The following PCDHGA9 variants were observed in gnomAD, a reference collection of about 807,000 sequenced individuals.
PCDHGA9 encodes protocadherin gamma-A9.
In PCDHGA9, 37 loss-of-function variants were observed where a neutral mutation model predicts 62.5. The ratio of observed to expected loss-of-function variants is 0.59; its 90% CI spans 0.46 to 0.78. The LOEUF is 0.78. Among genes scored for constraint, PCDHGA9 ranks in the 30% least tolerant of loss-of-function variants. PCDHGA9 has a pLI of 0.00. For missense variants in PCDHGA9, 1,138 were observed against 1,166.2 expected (o/e 0.98, Z 0.35); for synonymous variants, 459 against 484.6 (o/e 0.95, Z 0.69).
chr5:141,482,144 G>A (rs564178008), intron 1 of PCDHGA9, among the ~76,000 whole-genome samples: 2 of 151,756 alleles, frequency 1.3e-5, no homozygotes, highest in African/African-American at 2.4e-5. Flanking sequence ...GGCATAAAAA[G>A]GTCAAGTCAA....
intron 1 of PCDHGA9, chr5:141,416,068 A>G (rs940843403): frequency 1.2e-5 from 2 of 173,694 alleles, no homozygotes; most frequent in Non-Finnish European, 2.4e-5. Context: ...AGAATACTCA[A>G]TGCAGTTCTT....
chr5:141,408,855 G>T, intron 1 of PCDHGA9: 1 of 1,613,572 alleles, frequency 6.2e-7, no homozygotes, highest in Non-Finnish European at 8.5e-7. Context: ...TTGGACGGAG[G>T]GGACCCACCA....
Position 141,485,187 on chromosome 5 carries a change from T to A in PCDHGA9, c.2425-9620T>A, listed in dbSNP as rs1325714839. ...CGGGCGGCAGCAATGCTCCGCAAGG[T>A]GAGAAGCTGGACAGAAATCTGGCGG... On this transcript the variant is annotated intron_variant, in intron 1 of 3. Transcript: ENST00000573521. This position sits in a 1 kb window ranked among gnomAD's most constrained non-coding sequence, Gnocchi z 5.7. 1 of 1,613,502 alleles carries A rather than the reference T, an allele frequency of 6.2e-7. No individual in the cohort carries two copies. The highest frequency in any genetic ancestry group is 1.7e-5 in the Admixed American group (1 of 60,018).
intron 1 of PCDHGA9, chr5:141,417,692 C>T (rs2096147964): frequency 1.8e-6 from 2 of 1,089,118 alleles, no homozygotes; most frequent in Non-Finnish European, 2.5e-6. Flanking sequence ...AAAAGAAAAC[C>T]AGCTCCCACA....
chr5:141,509,825 C>A (rs1057042581), intron 3 of PCDHGA9, among the ~76,000 whole-genome samples: 18 of 152,222 alleles, frequency 1.2e-4, no homozygotes, highest in African/African-American at 1.2e-4. Context: ...TCTCCATCTT[C>A]TCTCTACCTC....
At chr5:141,461,133 T>C (rs2099009646) in intron 1 of PCDHGA9, among the ~76,000 whole-genome samples, 1 of 152,086 alleles carries the variant, frequency 6.6e-6, no homozygotes, top group South Asian at 2.1e-4. Flanking sequence ...TAATTACTTA[T>C]TTTCCTTTGG....
At chr5:141,492,189 G>C (rs2099737936) in intron 1 of PCDHGA9, among the ~76,000 whole-genome samples, 1 of 152,204 alleles carries the variant, frequency 6.6e-6, no homozygotes, top group Non-Finnish European at 1.5e-5. Context: ...GCACCTGTCT[G>C]CGGGACTTAG....
chr5:141,417,969 T>G, intron 1 of PCDHGA9: 1 of 1,613,768 alleles, frequency 6.2e-7, no homozygotes, highest in Non-Finnish European at 8.5e-7. Flanking sequence ...CGCTACTCGA[T>G]TCCGGAGGAG....
chr5:141,419,395 G>T (rs374575981), intron 1 of PCDHGA9: 50 of 1,613,478 alleles, frequency 3.1e-5, no homozygotes, highest in Non-Finnish European at 4.0e-5. Flanking sequence ...CGCAGAGCGG[G>T]GTGGTGTTCG....
Position 141,490,754 on chromosome 5 carries a change from CCTT to C in PCDHGA9, c.2425-4052_2425-4050del, listed in dbSNP as rs775582875. ...CAGGTTCAGGGAGCCCCAGCCTCCT[CCTT>C]TGTGTATGTCAACCCAGAGGATGGA... On this transcript the variant is annotated intron_variant, in intron 1 of 3. Transcript: ENST00000573521. The surrounding 1 kb of genome is among the most constrained non-coding windows in gnomAD (Gnocchi z 5.4). 3.1e-6 allele frequency: 5 copies of C among 1,614,200 alleles called. No individual in the cohort carries two copies. The highest frequency in any genetic ancestry group is 3.4e-6 in the Non-Finnish European group (4 of 1,180,038).
chr5:141,455,255 C>T (rs1049752169), intron 1 of PCDHGA9, among the ~76,000 whole-genome samples: 16 of 152,146 alleles, frequency 1.1e-4, no homozygotes, highest in African/African-American at 3.9e-4. Flanking sequence ...AGTACAATCG[C>T]ATTTCTTCCC....
chr5:141,406,620 C>T (rs1355085005), intron 1 of PCDHGA9, among the ~76,000 whole-genome samples: 1 of 152,148 alleles, frequency 6.6e-6, no homozygotes, highest in Non-Finnish European at 1.5e-5. Flanking sequence ...CTTTTATTCT[C>T]ATATCTTCAA....
At chr5:141,459,829 G>A in intron 1 of PCDHGA9, among the ~76,000 whole-genome samples, 1 of 152,178 alleles carries the variant, frequency 6.6e-6, no homozygotes, top group East Asian at 1.9e-4. Flanking sequence ...AACTTTTCAT[G>A]TGTTGTCTAT....
intron 1 of PCDHGA9, among the ~76,000 whole-genome samples, chr5:141,472,122 G>A (rs898092092): frequency 6.6e-6 from 1 of 152,176 alleles, no homozygotes; most frequent in African/African-American, 2.4e-5. Flanking sequence ...GAAAATAAAA[G>A]AGAAGTTAAA....
chr5:141,420,256 T>C (rs377440259), intron 1 of PCDHGA9: 2 of 1,569,010 alleles, frequency 1.3e-6, no homozygotes, highest in Non-Finnish European at 1.7e-6. Flanking sequence ...TTGAAGCAGA[T>C]AAGAAGATTC....
chr5:141,489,610 C>G lies in PCDHGA9; in HGVS notation c.2425-5197C>G, dbSNP rs142775705. 3,083 of 1,614,088 alleles carry G rather than the reference C, an allele frequency of 1.9e-3. 6 individuals are homozygous for G. Among genetic ancestry groups the G allele is most frequent in the Non-Finnish European group, 2.4e-3 (2,793 of 1,179,988 alleles). ...GCTAATCCGTGTAGAGGTAGAGATC[C>G]TGGATCTCAATGACAACTCTCCTAG... On this transcript the variant is annotated intron_variant, in intron 1 of 3. Transcript: ENST00000573521. The surrounding 1 kb of genome is among the most constrained non-coding windows in gnomAD (Gnocchi z 4.5).
chr5:141,436,384 C>A lies in PCDHGA9; in HGVS notation c.2424+31008C>A, dbSNP rs1048094484. 2.6e-5 allele frequency among the ~76,000 whole-genome samples: 4 copies of A among 152,222 alleles called. 1 individual carries two copies. Among genetic ancestry groups the A allele is most frequent in the Non-Finnish European group, 4.4e-5 (3 of 67,978 alleles). On this transcript the variant is annotated intron_variant, in intron 1 of 3. Coordinates refer to ENST00000573521, the MANE Select transcript of PCDHGA9 (RefSeq NM_018921.3). The stretch of plus-strand genomic sequence containing the variant: ...ATGTTTCCAGTTTAAGCTGAATAGG[C>A]TTTATTAAATAGTTGTTGAATGAAT...
Position 141,408,776 on chromosome 5 carries a change from C to T in PCDHGA9, c.2424+3400C>T, listed in dbSNP as rs748401410. 54 of 1,611,566 alleles carry T rather than the reference C, an allele frequency of 3.4e-5. No homozygotes were observed. The highest frequency in any genetic ancestry group is 4.4e-5 in the Non-Finnish European group (52 of 1,178,840). On this transcript the variant is annotated intron_variant, in intron 1 of 3. Coordinates refer to ENST00000573521, the MANE Select transcript of PCDHGA9 (RefSeq NM_018921.3). Reference sequence around the variant, plus strand: ...AGTTAATTCCGATGGTGGCAAATACCCAGAGTTATCTCTGGAGAAACTCCT... The same window carrying T: ...AGTTAATTCCGATGGTGGCAAATACTCAGAGTTATCTCTGGAGAAACTCCT...
chr5:141,486,089 G>T lies in PCDHGA9; in HGVS notation c.2425-8718G>T, dbSNP rs2099624123. On this transcript the variant is annotated intron_variant, in intron 1 of 3. Coordinates refer to ENST00000573521, the MANE Select transcript of PCDHGA9 (RefSeq NM_018921.3). The surrounding 1 kb of genome is among the most constrained non-coding windows in gnomAD (Gnocchi z 5.0). ...CACTACTGGAAAGCTTACTCTTTTG[G>T]GGCCCCTAGACTTTGAGAGTGAGAA... is the stretch of plus-strand genomic sequence containing the variant. 1 of 1,614,084 alleles carries T rather than the reference G, an allele frequency of 6.2e-7. No individual in the cohort carries two copies. The highest frequency in any genetic ancestry group is 8.5e-7 in the Non-Finnish European group (1 of 1,180,014).
Sources: allele counts gnomAD v4.1 joint callset (sites outside exome capture counted in the v4.1 genomes callset), GRCh38; gene constraint gnomAD v4.1.1; non-coding constraint Gnocchi (gnomAD v3.1); transcripts MANE v1.5; gene names NCBI Gene and HGNC (gene_info 2026-07-23, HGNC 2026-07-21).